Variants in PARD3B observed in about 807,000 individuals in gnomAD.
PARD3B encodes the protein partitioning defective 3 homolog B.
PARD3B carries 103 observed loss-of-function variants against 130.2 expected under a neutral mutation model. The observed-to-expected ratio is 0.79, with a 90% CI of 0.67 to 0.93. The LOEUF is 0.93. Among genes scored for constraint, PARD3B ranks in the 40% least tolerant of loss-of-function variants. The pLI is 0.00. For missense variants in PARD3B, 1,609 were observed against 1,499.2 expected (o/e 1.07, Z -1.21); for synonymous variants, 583 against 553.2 (o/e 1.05, Z -0.76).
chr2:205,469,169 C>G lies in PARD3B; in HGVS notation c.3044+28497C>G, dbSNP rs2048738536. On this transcript the variant is annotated intron_variant, in intron 20 of 22. Transcript: ENST00000406610. ...GATGTTTTCAATCCTGGCATAGTTCCTAAAGCATTGGGTAGTCAATAAATA... is the reference window on the plus strand; with the variant it reads ...GATGTTTTCAATCCTGGCATAGTTCGTAAAGCATTGGGTAGTCAATAAATA... 2.6e-5 allele frequency among the ~76,000 whole-genome samples: 4 copies of G among 152,170 alleles called. No individual in the cohort carries two copies. The South Asian group carries it at 8.3e-4, about 32-fold the overall frequency.
chr2:205,221,722 C>T (rs1574430432), intron 15 of PARD3B, among the ~76,000 whole-genome samples: 1 of 100,364 alleles, frequency 1.0e-5, no homozygotes, highest in Non-Finnish European at 2.2e-5. Context: ...TCACCTAGCA[C>T]TGTCTCTCTC....
intron 21 of PARD3B, among the ~76,000 whole-genome samples, chr2:205,503,848 A>T (rs893573782): frequency 6.6e-6 from 1 of 151,542 alleles, no homozygotes; most frequent in Non-Finnish European, 1.5e-5. Context: ...CTTTTATTTC[A>T]TTGAGCAGTG....
Position 204,545,854 on chromosome 2 carries a change from C to G in PARD3B, c.-146C>G. On this transcript the variant is annotated 5_prime_UTR_variant, in exon 1 of 23. Transcript: ENST00000406610. ...TGGCCAGGTGGAAGGGGCGCTGCCG[C>G]GAGCCTCCGGGCCTCAGGGTGTTCC... 1 of 873,228 alleles carries G rather than the reference C, an allele frequency of 1.1e-6. No individual in the cohort carries two copies. The highest frequency in any genetic ancestry group is 1.6e-6 in the Non-Finnish European group (1 of 627,516). 54.1% of individuals were successfully genotyped at this position (873,228 alleles called of 1,614,324 possible). A position where few individuals can be genotyped will look rare whatever the true frequency, so the allele number is the denominator to read the frequency against.
chr2:205,320,495 A>G (rs764193256), intron 18 of PARD3B, among the ~76,000 whole-genome samples: 1 of 152,174 alleles, frequency 6.6e-6, no homozygotes, highest in Non-Finnish European at 1.5e-5. Context: ...CACATAGGGA[A>G]ATAGTGGTAG....
At chr2:204,624,835 C>T (rs2034431099) in intron 1 of PARD3B, among the ~76,000 whole-genome samples, 1 of 152,100 alleles carries the variant, frequency 6.6e-6, no homozygotes, top group Non-Finnish European at 1.5e-5. Flanking sequence ...AGCTGTACTG[C>T]TTTCTACTGT....
chr2:204,645,256 G>C lies in PARD3B; in HGVS notation c.121-40925G>C, dbSNP rs114778927. ...ACACTGGGGAAACCTCAGGCCCTCTGATATAAAATATGCAAATCCTTAAGC... is the reference window on the plus strand; with the variant it reads ...ACACTGGGGAAACCTCAGGCCCTCTCATATAAAATATGCAAATCCTTAAGC... On this transcript the variant is annotated intron_variant, in intron 1 of 22. Coordinates refer to ENST00000406610, the MANE Select transcript of PARD3B (RefSeq NM_001302769.2). 3.4e-3 allele frequency among the ~76,000 whole-genome samples: 511 copies of C among 152,132 alleles called. 2 individuals are homozygous for C. The highest frequency in any genetic ancestry group is 0.012 in the African/African-American group (483 of 41,548).
At chr2:204,928,772 T>G (rs527720298) in intron 2 of PARD3B, among the ~76,000 whole-genome samples, 1 of 152,264 alleles carries the variant, frequency 6.6e-6, no homozygotes, top group South Asian at 2.1e-4. Context: ...TACTTCTTTC[T>G]GAGAACATGC....
At chr2:205,018,024 CAT>C (rs943764175) in intron 3 of PARD3B, among the ~76,000 whole-genome samples, 15 of 152,284 alleles carry the variant, frequency 9.9e-5, no homozygotes, top group Non-Finnish European at 1.9e-4. Flanking sequence ...TAAATGTAAA[CAT>C]ATGCTGTTGC....
chr2:205,519,582 C>A (rs1244174928), intron 21 of PARD3B, among the ~76,000 whole-genome samples: 2 of 151,936 alleles, frequency 1.3e-5, no homozygotes, highest in African/African-American at 4.8e-5. Flanking sequence ...TTGTGTCATT[C>A]TAGCCAATTC....
chr2:205,143,405 A>C (rs2033127793), intron 10 of PARD3B, among the ~76,000 whole-genome samples: 1 of 152,226 alleles, frequency 6.6e-6, no homozygotes, highest in African/African-American at 2.4e-5. Flanking sequence ...TCTTTGAAGC[A>C]TACTTAACTT....
intron 10 of PARD3B, among the ~76,000 whole-genome samples, chr2:205,150,467 A>G (rs1180505356): frequency 1.3e-5 from 2 of 151,796 alleles, no homozygotes; most frequent in Non-Finnish European, 2.9e-5. Flanking sequence ...TACTGGTTGA[A>G]CCAGGATTCT....
chr2:205,322,799 C>T (rs183552287), intron 18 of PARD3B, among the ~76,000 whole-genome samples: 6 of 150,272 alleles, frequency 4.0e-5, no homozygotes, highest in African/African-American at 1.5e-4. Context: ...CCAAATATCT[C>T]CCATGTAAAA....
At chr2:204,746,064 T>C (rs1036248345) in intron 2 of PARD3B, among the ~76,000 whole-genome samples, 28 of 151,286 alleles carry the variant, frequency 1.9e-4, no homozygotes, top group African/African-American at 6.6e-4. Flanking sequence ...ATGTGCCATG[T>C]TGGTGTGCTG....
chr2:205,478,342 A>G (rs1325714061), intron 20 of PARD3B, among the ~76,000 whole-genome samples: 1 of 152,190 alleles, frequency 6.6e-6, no homozygotes, highest in Non-Finnish European at 1.5e-5. Context: ...TTTCTCCTGA[A>G]AATATTAATG....
intron 2 of PARD3B, among the ~76,000 whole-genome samples, chr2:204,844,868 T>C (rs898851084): frequency 2.6e-5 from 4 of 152,166 alleles, no homozygotes; most frequent in Non-Finnish European, 4.4e-5. Flanking sequence ...CTTTCATATA[T>C]TTTTAAATAT....
chr2:205,313,927 A>G (rs2042474154), intron 18 of PARD3B, among the ~76,000 whole-genome samples: 1 of 152,212 alleles, frequency 6.6e-6, no homozygotes, highest in Non-Finnish European at 1.5e-5. Context: ...GATTAATAAA[A>G]TGCAAAATAT....
intron 20 of PARD3B, among the ~76,000 whole-genome samples, chr2:205,496,176 TAA>T (rs1235757207): frequency 6.6e-6 from 1 of 152,218 alleles, no homozygotes; most frequent in Non-Finnish European, 1.5e-5. Flanking sequence ...TAAAATTTGC[TAA>T]GTTTCTACAT....
chr2:205,535,534 TATG>T (rs2051811186), intron 21 of PARD3B, among the ~76,000 whole-genome samples: 1 of 152,206 alleles, frequency 6.6e-6, no homozygotes, highest in Non-Finnish European at 1.5e-5. Flanking sequence ...ATACCATTAA[TATG>T]ATATTTGTTT....
At chr2:204,978,538 G>A (rs1692385537) in intron 3 of PARD3B, among the ~76,000 whole-genome samples, 2 of 152,230 alleles carry the variant, frequency 1.3e-5, no homozygotes, top group African/African-American at 2.4e-5. Context: ...CTACCTTTAG[G>A]TAATATTCCT....
Sources: gnomAD v4.1 joint callset for allele counts (sites outside exome capture counted in the v4.1 genomes callset) on GRCh38, gnomAD v4.1.1 for gene constraint, MANE v1.5 for transcripts, NCBI Gene and HGNC (gene_info 2026-07-23, HGNC 2026-07-21) for gene names.